Variants in EYA4 observed in about 807,000 individuals in gnomAD.
The protein encoded by EYA4 is protein phosphatase EYA4.
EYA4 carries 31 observed loss-of-function variants against 87.9 expected under a neutral mutation model. The ratio of observed to expected loss-of-function variants is 0.35; its 90% CI spans 0.27 to 0.48. EYA4 has a LOEUF of 0.48. Ranked by LOEUF, EYA4 falls within the 20% of genes least tolerant of loss-of-function variation. The pLI is 0.99. For missense variants in EYA4, 678 were observed against 761.4 expected, an observed-to-expected ratio of 0.89 and a Z score of 1.29; for synonymous variants, 263 against 270.6, an observed-to-expected ratio of 0.97 and a Z score of 0.28.
chr6:133,371,860 TC>T (rs1276344439), intron 2 of EYA4, among the ~76,000 whole-genome samples: 4 of 152,112 alleles, frequency 2.6e-5, no homozygotes, highest in African/African-American at 9.7e-5. Context: ...TAGAACCAGC[TC>T]CCAGAAAGCC....
At chr6:133,359,809 C>G (rs1438722366) in intron 2 of EYA4, among the ~76,000 whole-genome samples, 2 of 152,178 alleles carry the variant, frequency 1.3e-5, no homozygotes, top group African/African-American at 4.8e-5. Flanking sequence ...TGAATAATCA[C>G]AGGAGTTAGA....
intron 1 of EYA4, among the ~76,000 whole-genome samples, chr6:133,258,186 G>T (rs1243397015): frequency 6.6e-6 from 1 of 152,092 alleles, no homozygotes; most frequent in East Asian, 1.9e-4. Context: ...AGCCCTGGAG[G>T]AGATGCCTGG....
Position 133,529,415 on chromosome 6 carries a change from T to TA in EYA4, c.*610_*611insA. ...GAAATGGGAATATAATATTGTCTCT[T>TA]TTTTAAGTTTGGCAAACAGAATGTT... On this transcript the variant is annotated 3_prime_UTR_variant, in exon 20 of 20. Coordinates refer to ENST00000355286, the MANE Select transcript of EYA4 (RefSeq NM_004100.5). 2 of 991,380 alleles carry TA rather than the reference T, an allele frequency of 2.0e-6. No homozygotes were observed. The highest frequency in any genetic ancestry group is 2.4e-6 in the Non-Finnish European group (2 of 832,886). 61.4% of individuals were successfully genotyped at this position (991,380 alleles called of 1,614,324 possible). A position where few individuals can be genotyped will look rare whatever the true frequency, so the allele number is the denominator to read the frequency against.
At chr6:133,358,826 T>TA (rs1217969113) in intron 2 of EYA4, among the ~76,000 whole-genome samples, 3 of 152,084 alleles carry the variant, frequency 2.0e-5, no homozygotes, top group Non-Finnish European at 4.4e-5. Context: ...CACATTGTGA[T>TA]AACTGCTAAG....
chr6:133,515,305 T>G lies in EYA4; in HGVS notation c.1502-16T>G. ...TATTCATCTCTCGACTCTGCCTTGGTTTTTTGGTGTTGCAGGACTCCTTGG... is the reference window on the plus strand; with the variant it reads ...TATTCATCTCTCGACTCTGCCTTGGGTTTTTGGTGTTGCAGGACTCCTTGG... On this transcript the variant is annotated splice_polypyrimidine_tract_variant and intron_variant, in intron 16 of 19. Coordinates refer to ENST00000355286, the MANE Select transcript of EYA4 (RefSeq NM_004100.5). 1 of 1,388,982 alleles carries G rather than the reference T, an allele frequency of 7.2e-7. No individual in the cohort carries two copies. The allele number at this position is 1,388,982 out of a possible 1,614,324, so 86.0% of individuals were successfully genotyped here.
At chr6:133,347,741 G>T (rs1367014940) in intron 2 of EYA4, among the ~76,000 whole-genome samples, 1 of 152,128 alleles carries the variant, frequency 6.6e-6, no homozygotes, top group Non-Finnish European at 1.5e-5. Flanking sequence ...GCACAGAGTG[G>T]TTAAATAACT....
intron 10 of EYA4, among the ~76,000 whole-genome samples, chr6:133,465,640 G>A (rs954806651): frequency 2.0e-5 from 3 of 152,054 alleles, no homozygotes; most frequent in African/African-American, 2.4e-5. Flanking sequence ...AGCCATGTTC[G>A]AAGTAGTTGA....
intron 3 of EYA4, among the ~76,000 whole-genome samples, chr6:133,383,884 A>G (rs1583128877): frequency 2.0e-5 from 3 of 152,304 alleles, no homozygotes; most frequent in South Asian, 4.1e-4. Context: ...AACAGAAGGG[A>G]AGACTGGGGC....
chr6:133,369,312 A>C (rs951858214), intron 2 of EYA4, among the ~76,000 whole-genome samples: 1 of 152,050 alleles, frequency 6.6e-6, no homozygotes, highest in Non-Finnish European at 1.5e-5. Flanking sequence ...TTATCTCTTG[A>C]ATTTATCTAT....
chr6:133,276,270 C>A (rs1343113584), intron 2 of EYA4, among the ~76,000 whole-genome samples: 1 of 152,034 alleles, frequency 6.6e-6, no homozygotes, highest in African/African-American at 2.4e-5. Flanking sequence ...GTTAGAGTGA[C>A]CAACGTTTTT....
At chr6:133,402,858 G>A (rs372381510) in intron 3 of EYA4, among the ~76,000 whole-genome samples, 5 of 152,294 alleles carry the variant, frequency 3.3e-5, no homozygotes. Context: ...GACAAGACCA[G>A]TAAGAATTAG....
intron 1 of EYA4, among the ~76,000 whole-genome samples, chr6:133,243,085 A>G (rs1371693041): frequency 1.4e-5 from 1 of 69,036 alleles, no homozygotes; most frequent in Non-Finnish European, 2.9e-5. Context: ...ACGTGGAGCA[A>G]CTTCGTGTGT....
At chr6:133,466,778 A>C (rs866615205) in intron 10 of EYA4, among the ~76,000 whole-genome samples, 1 of 151,866 alleles carries the variant, frequency 6.6e-6, no homozygotes, top group Admixed American at 6.6e-5. Flanking sequence ...GAACTTAAAA[A>C]AAAAAAAAAG....
chr6:133,460,973 T>G (rs1230964420), intron 6 of EYA4, 141 bp from the exon 7 acceptor site: 1 of 709,020 alleles, frequency 1.4e-6, no homozygotes. Context: ...AGAAAGTGTT[T>G]AGGCAGCTGT....
At position 133,347,238 on chromosome 6, in the gene EYA4, C is replaced by T. The variant is rs114861695; in HGVS notation, c.34-35154C>T. On this transcript the variant is annotated intron_variant, in intron 2 of 19. Coordinates refer to ENST00000355286, the MANE Select transcript of EYA4 (RefSeq NM_004100.5). The stretch of plus-strand genomic sequence containing the variant: ...TCTGATTGTGCTGTGTATTCCAAAC[C>T]ATGCATTTCCCCACAGTTTCATTGT... 3.5e-3 allele frequency among the ~76,000 whole-genome samples: 527 copies of T among 152,264 alleles called. 2 individuals are homozygous for T. The highest frequency in any genetic ancestry group is 0.012 in the African/African-American group (494 of 41,562).
intron 2 of EYA4, among the ~76,000 whole-genome samples, chr6:133,302,937 G>C (rs1015631852): frequency 3.3e-5 from 5 of 152,058 alleles, no homozygotes; most frequent in Admixed American, 6.6e-5. Context: ...AATATTTCAG[G>C]CTTCACGGGC....
intron 3 of EYA4, among the ~76,000 whole-genome samples, chr6:133,413,958 GTATT>G (rs1397110328): frequency 6.6e-6 from 1 of 151,910 alleles, no homozygotes; most frequent in Non-Finnish European, 1.5e-5. Flanking sequence ...CTCTCTCCTC[GTATT>G]TAATCAATCA....
At chr6:133,480,009 A>G (rs1486353585) in intron 11 of EYA4, among the ~76,000 whole-genome samples, 1 of 152,222 alleles carries the variant, frequency 6.6e-6, no homozygotes, top group Non-Finnish European at 1.5e-5. Flanking sequence ...TCTGAAACTT[A>G]GGATGTGGCC....
At chr6:133,372,910 G>A (rs1049966455) in intron 2 of EYA4, among the ~76,000 whole-genome samples, 1 of 151,820 alleles carries the variant, frequency 6.6e-6, no homozygotes, top group Non-Finnish European at 1.5e-5. Context: ...GGCACATTAG[G>A]AGAGTTTTTA....
Sources: allele counts gnomAD v4.1 joint callset (sites outside exome capture counted in the v4.1 genomes callset), GRCh38; gene constraint gnomAD v4.1.1; transcripts MANE v1.5; gene names NCBI Gene and HGNC (gene_info 2026-07-23, HGNC 2026-07-21).